Variants in DAAM2 observed in about 807,000 individuals in gnomAD.
DAAM2 encodes dishevelled associated activator of morphogenesis 2.
A neutral mutation model predicts 120.7 loss-of-function variants in DAAM2; 39 were observed. The ratio of observed to expected loss-of-function variants is 0.32; its 90% CI spans 0.25 to 0.42. The LOEUF (loss-of-function observed/expected upper bound fraction) is 0.42. Among genes scored for constraint, DAAM2 ranks in the 10% least tolerant of loss-of-function variants. The pLI is 1.00. For missense variants in DAAM2, 1,283 were observed against 1,401.7 expected, an observed-to-expected ratio of 0.92 and a Z score of 1.35; for synonymous variants, 488 against 524.9, an observed-to-expected ratio of 0.93 and a Z score of 0.96.
At chr6:39,899,984 T>C in intron 22 of DAAM2, 93 bp from the exon 23 acceptor site, 3 of 1,400,204 alleles carry the variant, frequency 2.1e-6, no homozygotes, top group Non-Finnish European at 2.9e-6. Flanking sequence ...AAGGGCTCAA[T>C]GTCCTGTGAG....
intron 1 of DAAM2, among the ~76,000 whole-genome samples, chr6:39,836,334 C>T (rs922199633): frequency 6.6e-6 from 1 of 152,150 alleles, no homozygotes; most frequent in Admixed American, 6.5e-5. Context: ...AAGAAGGCAT[C>T]CCTAAATAAC....
chr6:39,876,731 G>A (rs913879078), intron 11 of DAAM2, among the ~76,000 whole-genome samples: 15 of 146,456 alleles, frequency 1.0e-4, no homozygotes, highest in East Asian at 2.0e-4. Flanking sequence ...GTGTGTGTGC[G>A]TGTGTGTATG....
intron 1 of DAAM2, among the ~76,000 whole-genome samples, chr6:39,846,300 A>G (rs1397318793): frequency 6.6e-6 from 1 of 152,120 alleles, no homozygotes; most frequent in African/African-American, 2.4e-5. Flanking sequence ...TGAATGATGA[A>G]CTAAAGGGAG....
At chr6:39,836,597 C>T (rs894980294) in intron 1 of DAAM2, among the ~76,000 whole-genome samples, 20 of 152,310 alleles carry the variant, frequency 1.3e-4, no homozygotes, top group African/African-American at 2.2e-4. Flanking sequence ...CATCTCTTCT[C>T]ACAGCTACAG....
chr6:39,887,509 C>T lies in DAAM2; in HGVS notation c.1977C>T (p.Asp659=), dbSNP rs1032696953. 2 of 1,613,646 alleles carry T rather than the reference C, an allele frequency of 1.2e-6. No homozygotes were observed. Among genetic ancestry groups the T allele is most frequent in the East Asian group, 2.2e-5 (1 of 44,856 alleles). The change falls in exon 16 of 25, where the codon GAC becomes GAT. Residue 659 remains aspartate, a synonymous_variant. Coordinates refer to ENST00000274867, the MANE Select transcript of DAAM2 (RefSeq NM_001201427.2). ...AGAAAGAGCTGGGCTCCACTGAAGA[C>T]ATCTACCTGGCTTCCCGCAAGGTCA... ...RHQKELGSTE[D]IYLASRKVKE...
At chr6:39,828,564 C>A (rs1396007988) in intron 1 of DAAM2, among the ~76,000 whole-genome samples, 1 of 116,210 alleles carries the variant, frequency 8.6e-6, no homozygotes, top group African/African-American at 3.7e-5. Flanking sequence ...CTCCACCCCC[C>A]TCCGTCTTTT....
intron 14 of DAAM2, among the ~76,000 whole-genome samples, chr6:39,880,648 C>A (rs1312756085): frequency 6.6e-6 from 1 of 152,150 alleles, no homozygotes; most frequent in Non-Finnish European, 1.5e-5. Flanking sequence ...CTCAACTTGT[C>A]TGTAAGTCAG....
At chr6:39,827,081 T>A (rs150021110) in intron 1 of DAAM2, among the ~76,000 whole-genome samples, 297 of 152,354 alleles carry the variant, frequency 1.9e-3, no homozygotes, top group Non-Finnish European at 2.7e-3. Context: ...TTTTTGTAGT[T>A]GTTGTTTCCA....
chr6:39,805,859 T>C (rs905268879), intron 1 of DAAM2, among the ~76,000 whole-genome samples: 1 of 152,130 alleles, frequency 6.6e-6, no homozygotes, highest in Non-Finnish European at 1.5e-5. Flanking sequence ...GCCCCTAAGG[T>C]ATTTTTAAGG....
chr6:39,902,140 A>G lies in DAAM2; in HGVS notation c.*103A>G. 9.4e-7 allele frequency: 1 copy of G among 1,058,658 alleles called. No homozygotes were observed. The highest frequency in any genetic ancestry group is 1.6e-5 in the African/African-American group (1 of 62,218). The allele number at this position is 1,058,658 out of a possible 1,614,324, so 65.6% of individuals were successfully genotyped here. A position where few individuals can be genotyped will look rare whatever the true frequency, so the allele number is the denominator to read the frequency against. On this transcript the variant is annotated 3_prime_UTR_variant, in exon 25 of 25. Coordinates refer to ENST00000274867, the MANE Select transcript of DAAM2 (RefSeq NM_001201427.2). ...TTAAACCATTTGGTGCTTGGTTTAG[A>G]GCCTTGGGCTGGGTCCTGGGATGGG... is the stretch of plus-strand genomic sequence containing the variant.
chr6:39,898,665 G>C (rs919275790), intron 21 of DAAM2, among the ~76,000 whole-genome samples: 1 of 152,208 alleles, frequency 6.6e-6, no homozygotes, highest in Non-Finnish European at 1.5e-5. Flanking sequence ...TAGAATGCAG[G>C]CTTCACCTTG....
At position 39,887,517 on chromosome 6, in the gene DAAM2, T is replaced by A. The variant is rs1289014933; in HGVS notation, c.1985T>A (p.Leu662Gln). The A allele has an allele frequency of 6.2e-7, 1 of 1,613,750 alleles. No homozygotes were observed. Among genetic ancestry groups the A allele is most frequent in the Non-Finnish European group, 8.5e-7 (1 of 1,179,804 alleles). Residue 662 changes from leucine (L) to glutamine (Q), a missense_variant, in exon 16 of 25, where the codon CTG becomes CAG. This residue lies in a region of DAAM2 where 748 missense variants were observed against 768.6 expected (regional missense o/e 0.97). Transcript: ENST00000274867. ...KELGSTEDIY[L>Q]ASRKVKELSV... The stretch of plus-strand genomic sequence containing the variant: ...CTGGGCTCCACTGAAGACATCTACC[T>A]GGCTTCCCGCAAGGTCAAAGAGCTG...
intron 23 of DAAM2, among the ~76,000 whole-genome samples, chr6:39,900,755 A>G (rs1448638788): frequency 1.3e-5 from 2 of 152,120 alleles, no homozygotes; most frequent in Non-Finnish European, 2.9e-5. Context: ...ACTTTTGAGT[A>G]GTGAGATCTT....
chr6:39,901,726 C>A lies in DAAM2; in HGVS notation c.2983-87C>A. 7.9e-7 allele frequency: 1 copy of A among 1,267,194 alleles called. No homozygotes were observed. Among genetic ancestry groups the A allele is most frequent in the Non-Finnish European group, 1.1e-6 (1 of 941,774 alleles). 78.5% of individuals were successfully genotyped at this position (1,267,194 alleles called of 1,614,324 possible). On this transcript the variant is annotated intron_variant, in intron 24 of 24. Coordinates refer to ENST00000274867, the MANE Select transcript of DAAM2 (RefSeq NM_001201427.2). The surrounding 1 kb of genome is among the most constrained non-coding windows in gnomAD (Gnocchi z 4.5). ...ATACAGGCAGGCAGCATGACCATGG[C>A]CTAGGAGTTAGCCCAGGGTTGGGGG...
intron 17 of DAAM2, among the ~76,000 whole-genome samples, chr6:39,890,774 A>G (rs889573929): frequency 6.6e-6 from 1 of 152,208 alleles, no homozygotes; most frequent in African/African-American, 2.4e-5. Context: ...AAGAAAAATC[A>G]CTGAGCTGTA....
chr6:39,847,648 A>G (rs1763648527), intron 1 of DAAM2, among the ~76,000 whole-genome samples: 1 of 151,630 alleles, frequency 6.6e-6, no homozygotes, highest in South Asian at 2.1e-4. Flanking sequence ...CCTCTCACTC[A>G]CGTGCCGGCA....
chr6:39,901,294 C>T lies in DAAM2; in HGVS notation c.2812-8C>T, dbSNP rs1488747299. 6.2e-7 allele frequency: 1 copy of T among 1,611,776 alleles called. No homozygotes were observed. The highest frequency in any genetic ancestry group is 1.3e-5 in the African/African-American group (1 of 74,916). On this transcript the variant is annotated splice_region_variant and splice_polypyrimidine_tract_variant and intron_variant, in intron 23 of 24. Coordinates refer to ENST00000274867, the MANE Select transcript of DAAM2 (RefSeq NM_001201427.2). This position sits in a 1 kb window ranked among gnomAD's most constrained non-coding sequence, Gnocchi z 4.5. Reference sequence around the variant, plus strand: ...ACTCTCCACCAATCCTGTTCTGTCCCTTGACAGTTCGCCAAGGCCTTGATG... The same window carrying T: ...ACTCTCCACCAATCCTGTTCTGTCCTTTGACAGTTCGCCAAGGCCTTGATG...
rs1318538285 is a variant in DAAM2 at position 39,903,567 on chromosome 6, C to G, written c.*1530C>G. The G allele has an allele frequency of 6.5e-6, 1 of 152,992 alleles. No individual in the cohort carries two copies. The highest frequency in any genetic ancestry group is 1.5e-5 in the Non-Finnish European group (1 of 68,642). The allele number at this position is 152,992 out of a possible 1,614,324, so 9.5% of individuals were successfully genotyped here. On this transcript the variant is annotated 3_prime_UTR_variant, in exon 25 of 25. Transcript: ENST00000274867. The stretch of plus-strand genomic sequence containing the variant: ...TCATCTTCTTTGAGACTGGCCCTGC[C>G]TAACCTCTACCATCAATGAGCTCTT...
At chr6:39,850,203 C>T (rs1763754705) in intron 1 of DAAM2, among the ~76,000 whole-genome samples, 3 of 152,236 alleles carry the variant, frequency 2.0e-5, no homozygotes, top group Admixed American at 2.0e-4. Context: ...TGGGCTCACA[C>T]ATGCTGTGCT....
Sources: gnomAD v4.1 joint callset for allele counts (sites outside exome capture counted in the v4.1 genomes callset) on GRCh38, gnomAD v4.1.1 for gene constraint, gnomAD v4.1.1 regional missense constraint, Gnocchi (gnomAD v3.1) non-coding constraint, MANE v1.5 for transcripts, NCBI Gene and HGNC (gene_info 2026-07-23, HGNC 2026-07-21) for gene names.